Variants in LOXL2 observed in about 807,000 individuals in gnomAD.
LOXL2 encodes lysyl oxidase like 2.
Under a neutral mutation model 93.0 loss-of-function variants are expected in LOXL2, and 70 were observed. The observed-to-expected ratio is 0.75, with a 90% CI of 0.62 to 0.92. LOXL2 has a LOEUF of 0.92. LOXL2 is among the 40% of genes least tolerant of loss of function. LOXL2 has a pLI of 0.00. For missense variants in LOXL2, 973 were observed against 1,054.9 expected, an observed-to-expected ratio of 0.92 and a Z score of 1.08; for synonymous variants, 438 against 413.2, an observed-to-expected ratio of 1.06 and a Z score of -0.73.
rs777373481 is a variant in LOXL2, at chr8:23,404,101, TAGCCGCGCGCTGG to T, written c.-244_-232del. The T allele has an allele frequency of 1.5e-5, 3 of 204,114 alleles. No homozygotes were observed. In the South Asian group the frequency reaches 1.7e-4, roughly 11 times the overall value. 12.6% of individuals were successfully genotyped at this position (204,114 alleles called of 1,614,324 possible). ...GGAGAAAGCAAGCACCAAGCGTAGG[TAGCCGCGCGCTGG>T]AGTCGCGCGTTTACTCTTTTCCCCC... On this transcript the variant is annotated 5_prime_UTR_variant, in exon 1 of 14. Coordinates refer to ENST00000389131, the MANE Select transcript of LOXL2 (RefSeq NM_002318.3).
At chr8:23,395,197 T>C (rs1290951270) in intron 1 of LOXL2, among the ~76,000 whole-genome samples, 3 of 151,610 alleles carry the variant, frequency 2.0e-5, no homozygotes, top group Non-Finnish European at 4.4e-5. Context: ...GAGGTTGCAG[T>C]GAGCCGAGAT....
At chr8:23,330,343 CAA>C (rs1803652380) in intron 5 of LOXL2, among the ~76,000 whole-genome samples, 1 of 149,064 alleles carries the variant, frequency 6.7e-6, no homozygotes, top group Non-Finnish European at 1.5e-5. Context: ...CAAAACAAAA[CAA>C]AACAAAACAA....
In LOXL2 at chr8:23,314,455, A is replaced by G. The variant is rs1167302710; in HGVS notation, c.1636+2494T>C. 4.6e-5 allele frequency among the ~76,000 whole-genome samples: 6 copies of G among 130,916 alleles called. No individual in the cohort carries two copies. In the East Asian group the frequency reaches 1.1e-3, roughly 24 times the overall value. 85.9% of individuals were successfully genotyped at this position (130,916 alleles called of 152,430 possible). A position where few individuals can be genotyped will look rare whatever the true frequency, so the allele number is the denominator to read the frequency against. ...TGGCACATATACACCATGGAATACT[A>G]TGCAGCCATAAAAAATGATAAGTTC... On this transcript the variant is annotated intron_variant, in intron 9 of 13. Transcript: ENST00000389131.
chr8:23,369,445 AAGGT>A (rs1804463999), intron 1 of LOXL2, among the ~76,000 whole-genome samples: 1 of 152,116 alleles, frequency 6.6e-6, no homozygotes, highest in African/African-American at 2.4e-5. Flanking sequence ...GTGGGGGCAT[AAGGT>A]ATTTTATTTT....
chr8:23,403,990 G>A lies in LOXL2; in HGVS notation c.-120C>T, dbSNP rs1465109833. On this transcript the variant is annotated 5_prime_UTR_variant, in exon 1 of 14. Transcript: ENST00000389131. ...GATCCGCAGTGGCCGGGCTGGGACC[G>A]CGCTCTCCACGGTGGTCCCCCTCCG... is the stretch of plus-strand genomic sequence containing the variant. 3.5e-5 allele frequency: 6 copies of A among 170,548 alleles called. 1 individual carries two copies. Among genetic ancestry groups the A allele is most frequent in the South Asian group, 2.1e-4 (2 of 9,414 alleles). The allele number at this position is 170,548 out of a possible 1,614,324, so 10.6% of individuals were successfully genotyped here. A position where few individuals can be genotyped will look rare whatever the true frequency, so the allele number is the denominator to read the frequency against.
chr8:23,373,361 G>C (rs994879692), intron 1 of LOXL2, among the ~76,000 whole-genome samples: 1 of 152,030 alleles, frequency 6.6e-6, no homozygotes, highest in Non-Finnish European at 1.5e-5. Flanking sequence ...TGCCTGGCAG[G>C]GTCTTGCCGT....
In LOXL2 at chr8:23,302,158, G is replaced by A; in HGVS notation, c.2002C>T (p.Gln668Ter). ...AAGTTGGCACACTCGTAATTCTTCTGGATGTCTGCGGGCAGGGTAGAGGAG... is the reference window on the plus strand; with the variant it reads ...AAGTTGGCACACTCGTAATTCTTCTAGATGTCTGCGGGCAGGGTAGAGGAG... ...LEDTECEGDI[Q>*]KNYECANFGD... Residue 668 changes from glutamine (Q) to a stop codon, truncating the protein, a stop_gained, in exon 12 of 14, where the codon CAG (glutamine) becomes TAG (stop). Coordinates refer to ENST00000389131, the MANE Select transcript of LOXL2 (RefSeq NM_002318.3). LOFTEE classifies it high-confidence loss of function. 1 of 1,614,114 alleles carries A rather than the reference G, an allele frequency of 6.2e-7. No homozygotes were observed. Among genetic ancestry groups the A allele is most frequent in the Non-Finnish European group, 8.5e-7 (1 of 1,179,984 alleles).
intron 1 of LOXL2, among the ~76,000 whole-genome samples, chr8:23,388,539 G>A (rs1385253661): frequency 6.6e-6 from 1 of 151,760 alleles, no homozygotes; most frequent in Admixed American, 6.6e-5. Context: ...AGCAGTGACT[G>A]TGCCACTGCA....
intron 1 of LOXL2, chr8:23,385,838 C>A (rs1585381950): frequency 5.3e-6 from 3 of 569,404 alleles, no homozygotes; most frequent in South Asian, 1.7e-5. Context: ...GGAATCAATA[C>A]AAAAATTATT....
intron 1 of LOXL2, among the ~76,000 whole-genome samples, chr8:23,385,244 CTTT>C (rs67050683): frequency 2.0e-4 from 27 of 132,762 alleles, no homozygotes; most frequent in Non-Finnish European, 3.2e-4. Context: ...GATTTTTTTT[CTTT>C]TTTTTTTTTT....
At chr8:23,373,763 G>C (rs1371687137) in intron 1 of LOXL2, among the ~76,000 whole-genome samples, 1 of 152,026 alleles carries the variant, frequency 6.6e-6, no homozygotes, top group Non-Finnish European at 1.5e-5. Flanking sequence ...GTAAATGCAA[G>C]CCAGGATCTG....
At chr8:23,389,966 C>T (rs941353327) in intron 1 of LOXL2, among the ~76,000 whole-genome samples, 4 of 152,346 alleles carry the variant, frequency 2.6e-5, no homozygotes, top group African/African-American at 9.6e-5. Context: ...CCCTACCCTG[C>T]CAAGGACACT....
At chr8:23,372,733 A>T (rs572646168) in intron 1 of LOXL2, among the ~76,000 whole-genome samples, 1 of 152,304 alleles carries the variant, frequency 6.6e-6, no homozygotes, top group African/African-American at 2.4e-5. Context: ...GCATAGCTTC[A>T]ATATATATAA....
At chr8:23,302,591 T>C (rs914701595) in intron 11 of LOXL2, among the ~76,000 whole-genome samples, 2 of 152,170 alleles carry the variant, frequency 1.3e-5, no homozygotes, top group Non-Finnish European at 2.9e-5. Flanking sequence ...TATCTGCACA[T>C]GGTAAGAGGT....
intron 1 of LOXL2, among the ~76,000 whole-genome samples, chr8:23,375,859 A>T (rs1804578960): frequency 6.6e-6 from 1 of 152,188 alleles, no homozygotes; most frequent in Non-Finnish European, 1.5e-5. Context: ...GGGGTTTTCT[A>T]AATATAAAAT....
At chr8:23,365,299 C>G (rs1213043075) in intron 2 of LOXL2, 1 of 152,250 alleles carries the variant, frequency 6.6e-6, no homozygotes, top group Non-Finnish European at 1.5e-5. Context: ...TCACTATACC[C>G]AGAACTCTTT....
chr8:23,371,566 C>A (rs1804494434), intron 1 of LOXL2, among the ~76,000 whole-genome samples: 1 of 151,640 alleles, frequency 6.6e-6, no homozygotes, highest in Non-Finnish European at 1.5e-5. Context: ...TCCCGGCTAA[C>A]ACGGTGAAAC....
chr8:23,344,384 G>T (rs1439570456), intron 3 of LOXL2, among the ~76,000 whole-genome samples: 1 of 151,684 alleles, frequency 6.6e-6, no homozygotes, highest in Non-Finnish European at 1.5e-5. Flanking sequence ...TTGATGGTCT[G>T]TGTGTGTGTG....
chr8:23,363,161 G>C (rs1474976821), intron 2 of LOXL2: 1 of 152,042 alleles, frequency 6.6e-6, no homozygotes, highest in African/African-American at 2.4e-5. Context: ...CTGCTTCCAC[G>C]ATGTAAGAGA....
Sources: allele counts gnomAD v4.1 joint callset (sites outside exome capture counted in the v4.1 genomes callset), GRCh38; gene constraint gnomAD v4.1.1; transcripts MANE v1.5; gene names NCBI Gene and HGNC (gene_info 2026-07-23, HGNC 2026-07-21).